The following WNT3 variants were observed in gnomAD, a reference collection of about 807,000 sequenced individuals.
The protein encoded by WNT3 is Wnt family member 3.
A neutral mutation model predicts 34.2 loss-of-function variants in WNT3; 7 were observed. The ratio of observed to expected loss-of-function variants is 0.20; its 90% CI spans 0.12 to 0.38. The LOEUF is 0.38. Ranked by LOEUF, WNT3 falls within the 10% of genes least tolerant of loss-of-function variation. The pLI, the probability that WNT3 is intolerant of heterozygous loss-of-function variation, is 1.00. For missense variants in WNT3, 267 were observed against 499.8 expected, an observed-to-expected ratio of 0.53 and a Z score of 4.44; for synonymous variants, 212 against 211.5, an observed-to-expected ratio of 1.00 and a Z score of -0.02.
At chr17:46,805,296 G>A (rs1381610833) in intron 1 of WNT3, among the ~76,000 whole-genome samples, 1 of 152,008 alleles carries the variant, frequency 6.6e-6, no homozygotes, top group Non-Finnish European at 1.5e-5. Context: ...AAAAAGGCTG[G>A]GCACAGTGGC....
Position 46,764,369 on chromosome 17 carries a change from C to T in WNT3, c.*261G>A, listed in dbSNP as rs2059295218. On this transcript the variant is annotated 3_prime_UTR_variant, in exon 5 of 5. Coordinates refer to ENST00000225512, the MANE Select transcript of WNT3 (RefSeq NM_030753.5). ...AGCCTCAGGTCTGTTCCTATCAGAC[C>T]CTAGAGAACTAAAAAGAAAGCCCCC... 6.6e-6 allele frequency: 1 copy of T among 152,436 alleles called. No individual in the cohort carries two copies. The highest frequency in any genetic ancestry group is 2.4e-5 in the African/African-American group (1 of 41,366). The allele number at this position is 152,436 out of a possible 1,614,324, so 9.4% of individuals were successfully genotyped here.
chr17:46,783,794 TC>T, intron 1 of WNT3, among the ~76,000 whole-genome samples: 1 of 151,992 alleles, frequency 6.6e-6, no homozygotes, highest in East Asian at 1.9e-4. Flanking sequence ...GTGGCATGCC[TC>T]CCCAAGCCAG....
At chr17:46,804,778 G>T (rs2084171176) in intron 1 of WNT3, among the ~76,000 whole-genome samples, 1 of 152,190 alleles carries the variant, frequency 6.6e-6, no homozygotes, top group African/African-American at 2.4e-5. Flanking sequence ...GCACCAATCA[G>T]TGCTCTGTAA....
At chr17:46,769,540 G>A (rs1334848515) in intron 3 of WNT3, among the ~76,000 whole-genome samples, 2 of 152,134 alleles carry the variant, frequency 1.3e-5, no homozygotes, top group Non-Finnish European at 2.9e-5. Context: ...TGATCCCACG[G>A]GGTGGCCATG....
At chr17:46,811,395 T>C (rs1417695761) in intron 1 of WNT3, among the ~76,000 whole-genome samples, 1 of 152,132 alleles carries the variant, frequency 6.6e-6, no homozygotes, top group East Asian at 1.9e-4. Flanking sequence ...GGTGACTCTC[T>C]GAGATATTAG....
chr17:46,767,528 C>T (rs1568072104), intron 4 of WNT3, among the ~76,000 whole-genome samples: 1 of 152,142 alleles, frequency 6.6e-6, no homozygotes, highest in African/African-American at 2.4e-5. Flanking sequence ...TTTAAACTGC[C>T]CCCTGCCCTT....
chr17:46,790,360 C>T (rs2083967162), intron 1 of WNT3, among the ~76,000 whole-genome samples: 2 of 152,138 alleles, frequency 1.3e-5, no homozygotes, highest in African/African-American at 2.4e-5. Context: ...TAGTAAGTGG[C>T]CCTGCTGAGC....
intron 3 of WNT3, 130 bp downstream of exon 3, chr17:46,769,653 C>T: frequency 3.8e-6 from 5 of 1,299,782 alleles, no homozygotes; most frequent in Non-Finnish European, 5.3e-6. Context: ...GGAGGCCAAG[C>T]CTGGCCAAGG....
At chr17:46,799,649 T>A (rs2084099563) in intron 1 of WNT3, among the ~76,000 whole-genome samples, 1 of 152,084 alleles carries the variant, frequency 6.6e-6, no homozygotes, top group East Asian at 1.9e-4. Context: ...AGTTTCACCA[T>A]GTTGGCCAGG....
intron 1 of WNT3, among the ~76,000 whole-genome samples, chr17:46,795,103 A>G (rs2146431686): frequency 6.6e-6 from 1 of 151,646 alleles, no homozygotes; most frequent in Non-Finnish European, 1.5e-5. Flanking sequence ...TGCTTACCTC[A>G]CCTGTGTCCC....
chr17:46,789,527 A>G (rs1380693433), intron 1 of WNT3, among the ~76,000 whole-genome samples: 1 of 152,198 alleles, frequency 6.6e-6, no homozygotes, highest in Non-Finnish European at 1.5e-5. Context: ...GAAGGCCCCA[A>G]CCTTCCCTAT....
intron 1 of WNT3, among the ~76,000 whole-genome samples, chr17:46,777,440 A>C (rs1027799510): frequency 2.0e-5 from 3 of 152,174 alleles, no homozygotes; most frequent in Non-Finnish European, 2.9e-5. Flanking sequence ...GCAGCCCAGC[A>C]GAGCACCTGA....
intron 2 of WNT3, among the ~76,000 whole-genome samples, chr17:46,770,255 CT>C (rs2059351899): frequency 6.6e-6 from 1 of 152,244 alleles, no homozygotes; most frequent in Non-Finnish European, 1.5e-5. Flanking sequence ...GATGAGCAAA[CT>C]GAGGCCCTGG....
chr17:46,806,896 G>A (rs1055478419), intron 1 of WNT3, among the ~76,000 whole-genome samples: 19 of 152,342 alleles, frequency 1.2e-4, no homozygotes, highest in African/African-American at 3.4e-4. Flanking sequence ...TGCTGGGGAC[G>A]GGAGCAGCTC....
intron 1 of WNT3, among the ~76,000 whole-genome samples, chr17:46,800,606 G>A (rs2084112365): frequency 6.6e-6 from 1 of 152,230 alleles, no homozygotes; most frequent in Non-Finnish European, 1.5e-5. Flanking sequence ...GGTCTTCCTG[G>A]CAGAGCATCA....
intron 1 of WNT3, among the ~76,000 whole-genome samples, chr17:46,810,132 G>T (rs562622829): frequency 6.1e-4 from 92 of 150,632 alleles, no homozygotes; most frequent in African/African-American, 2.2e-3. Context: ...TCAGCCTTCC[G>T]AGTAGCTGGG....
chr17:46,795,416 C>T (rs1312433215), intron 1 of WNT3, among the ~76,000 whole-genome samples: 1 of 152,134 alleles, frequency 6.6e-6, no homozygotes, highest in Non-Finnish European at 1.5e-5. Flanking sequence ...GAGGAGCTGG[C>T]CTCTGGGGTC....
chr17:46,772,294 G>A (rs1264080823), intron 2 of WNT3, among the ~76,000 whole-genome samples: 1 of 152,234 alleles, frequency 6.6e-6, no homozygotes, highest in Admixed American at 6.5e-5. Flanking sequence ...GGCCATCTAG[G>A]GACCGGGGCG....
At chr17:46,778,120 G>A (rs760741487) in intron 1 of WNT3, among the ~76,000 whole-genome samples, 52 of 152,206 alleles carry the variant, frequency 3.4e-4, no homozygotes, top group Non-Finnish European at 6.5e-4. Context: ...CTATGGTTAC[G>A]GTGTGTGTGG....
Sources: allele counts gnomAD v4.1 joint callset (sites outside exome capture counted in the v4.1 genomes callset), GRCh38; gene constraint gnomAD v4.1.1; transcripts MANE v1.5; gene names NCBI Gene and HGNC (gene_info 2026-07-23, HGNC 2026-07-21).